Variants in KCNIP4 observed in about 807,000 individuals in gnomAD.
KCNIP4 encodes Kv channel-interacting protein 4.
A neutral mutation model predicts 34.0 loss-of-function variants in KCNIP4; 12 were observed. That is an observed-to-expected ratio of 0.35 (90% confidence interval 0.23 to 0.57). The LOEUF (loss-of-function observed/expected upper bound fraction) is 0.57. Among genes scored for constraint, KCNIP4 ranks in the 20% least tolerant of loss-of-function variants. The pLI is 0.83. For synonymous variants in KCNIP4, 124 were observed against 102.2 expected, an observed-to-expected ratio of 1.21 and a Z score of -1.29; for missense variants, 238 against 311.7, an observed-to-expected ratio of 0.76 and a Z score of 1.78.
chr4:21,669,682 T>C (rs1447137089), intron 1 of KCNIP4, among the ~76,000 whole-genome samples: 2 of 152,296 alleles, frequency 1.3e-5, no homozygotes, highest in Admixed American at 6.5e-5. Context: ...ACCCCTATCA[T>C]TAAAGAAGAA....
chr4:20,850,413 G>T, intron 3 of KCNIP4, 130 bp downstream of exon 3: 2 of 961,662 alleles, frequency 2.1e-6, no homozygotes, highest in Middle Eastern at 3.5e-4. Flanking sequence ...ATTCCTATCT[G>T]GGAAGGATCA....
chr4:20,835,675 A>G (rs1718954892), intron 3 of KCNIP4, among the ~76,000 whole-genome samples: 1 of 152,122 alleles, frequency 6.6e-6, no homozygotes, highest in Admixed American at 6.6e-5. Context: ...TCTTAGCTCT[A>G]TAAAATTATG....
At chr4:20,755,233 TA>T (rs1285431819) in intron 4 of KCNIP4, among the ~76,000 whole-genome samples, 2 of 152,300 alleles carry the variant, frequency 1.3e-5, no homozygotes, top group African/African-American at 2.4e-5. Context: ...TTAATTCTTT[TA>T]AAAGTCCACC....
At chr4:20,842,362 G>A (rs892860745) in intron 3 of KCNIP4, among the ~76,000 whole-genome samples, 31 of 152,206 alleles carry the variant, frequency 2.0e-4, no homozygotes, top group African/African-American at 7.2e-4. Flanking sequence ...CACTTCAGCT[G>A]CAGGCAGTTC....
chr4:20,779,028 TTA>T (rs753381431), intron 3 of KCNIP4, among the ~76,000 whole-genome samples: 9 of 151,874 alleles, frequency 5.9e-5, no homozygotes, highest in Non-Finnish European at 1.2e-4. Context: ...GGCAGATAAA[TTA>T]TAAAGAGGAA....
chr4:21,806,668 G>T (rs1477109189), intron 1 of KCNIP4, among the ~76,000 whole-genome samples: 2 of 152,078 alleles, frequency 1.3e-5, no homozygotes, highest in Non-Finnish European at 2.9e-5. Flanking sequence ...TGTTGGGTTA[G>T]ACATTAAACA....
At chr4:21,560,142 C>T (rs1036295152) in intron 1 of KCNIP4, among the ~76,000 whole-genome samples, 1 of 151,998 alleles carries the variant, frequency 6.6e-6, no homozygotes. Context: ...AGTGTAAATG[C>T]AAATGGGCTT....
chr4:21,537,392 T>A (rs1034942894), intron 1 of KCNIP4, among the ~76,000 whole-genome samples: 5 of 152,134 alleles, frequency 3.3e-5, no homozygotes, highest in Non-Finnish European at 7.4e-5. Context: ...ATACCTTTTA[T>A]CCATTAAAGT....
intron 1 of KCNIP4, among the ~76,000 whole-genome samples, chr4:21,653,713 T>C (rs529433481): frequency 6.6e-6 from 1 of 152,210 alleles, no homozygotes; most frequent in Non-Finnish European, 1.5e-5. Flanking sequence ...ATTGTCCTGT[T>C]TAATCCTCAC....
At chr4:21,334,731 C>T (rs1199314574) in intron 1 of KCNIP4, among the ~76,000 whole-genome samples, 2 of 151,994 alleles carry the variant, frequency 1.3e-5, no homozygotes, top group African/African-American at 2.4e-5. Context: ...AGATTTGCCT[C>T]TTCTGGATAT....
At chr4:21,632,684 A>G (rs1288139421) in intron 1 of KCNIP4, among the ~76,000 whole-genome samples, 1 of 152,200 alleles carries the variant, frequency 6.6e-6, no homozygotes, top group Non-Finnish European at 1.5e-5. Context: ...CTCTATTCCA[A>G]TGGAAGTAAT....
chr4:21,253,986 C>G (rs1210373548), intron 1 of KCNIP4, among the ~76,000 whole-genome samples: 1 of 152,084 alleles, frequency 6.6e-6, no homozygotes, highest in Non-Finnish European at 1.5e-5. Context: ...TATGAAATAT[C>G]CAGAATAGGT....
At chr4:20,951,076 T>G (rs1415925876) in intron 1 of KCNIP4, among the ~76,000 whole-genome samples, 8 of 152,146 alleles carry the variant, frequency 5.3e-5, no homozygotes, top group African/African-American at 1.9e-4. Flanking sequence ...GATTAGTATC[T>G]TTATAAGAAG....
chr4:21,947,444 A>T (rs1730568374), intron 1 of KCNIP4, among the ~76,000 whole-genome samples: 1 of 152,336 alleles, frequency 6.6e-6, no homozygotes, highest in Admixed American at 6.5e-5. Context: ...TTAAAATTTC[A>T]TATTCAAGTG....
chr4:21,604,842 G>A (rs141334791), intron 1 of KCNIP4, among the ~76,000 whole-genome samples: 163 of 151,886 alleles, frequency 1.1e-3, no homozygotes, highest in African/African-American at 3.7e-3. Flanking sequence ...AACTAGAAAA[G>A]TAAAGTAGCT....
intron 1 of KCNIP4, among the ~76,000 whole-genome samples, chr4:21,568,404 A>G (rs932070289): frequency 3.9e-5 from 6 of 152,152 alleles, no homozygotes; most frequent in Non-Finnish European, 8.8e-5. Flanking sequence ...TTGAGTGTCA[A>G]CTTGATTGAA....
chr4:21,732,999 C>A (rs889010753), intron 1 of KCNIP4, among the ~76,000 whole-genome samples: 5 of 152,008 alleles, frequency 3.3e-5, no homozygotes, highest in East Asian at 1.9e-4. Context: ...ATTAAACTTC[C>A]TATTTAACTT....
intron 1 of KCNIP4, among the ~76,000 whole-genome samples, chr4:21,569,637 A>T (rs1249854680): frequency 2.6e-5 from 4 of 152,062 alleles, no homozygotes; most frequent in African/African-American, 9.7e-5. Context: ...AACTTGAAGG[A>T]TGTTCTATTA....
intron 2 of KCNIP4, among the ~76,000 whole-genome samples, chr4:20,876,580 T>TG (rs1280473785): frequency 3.3e-5 from 5 of 152,070 alleles, no homozygotes; most frequent in African/African-American, 1.2e-4. Context: ...TCTTTTTTTT[T>TG]TTGTTCTGAG....
Sources: gnomAD v4.1 joint callset for allele counts (sites outside exome capture counted in the v4.1 genomes callset) on GRCh38, gnomAD v4.1.1 for gene constraint, MANE v1.5 for transcripts, NCBI Gene and HGNC (gene_info 2026-07-23, HGNC 2026-07-21) for gene names.